NUDT6: variants seen among roughly 807,000 people sequenced by gnomAD.
NUDT6 encodes the protein FAD diphosphatase NUDT6.
Under a neutral mutation model 36.8 loss-of-function variants are expected in NUDT6, and 24 were observed. That is an observed-to-expected ratio of 0.65 (90% CI 0.47 to 0.92). NUDT6 has a LOEUF of 0.92. NUDT6 is among the 40% of genes least tolerant of loss of function. The probability of loss-of-function intolerance (pLI) is 0.00; values close to 1 mark genes in which losing one functional copy is unlikely to be tolerated. For missense variants in NUDT6, 388 were observed against 392.8 expected, an observed-to-expected ratio of 0.99 and a Z score of 0.10; for synonymous variants, 163 against 157.0, an observed-to-expected ratio of 1.04 and a Z score of -0.29.
rs577844006 is a variant in NUDT6, at chr4:122,914,621, T to C, written c.443-1998A>G. ...AGTGATATGAGTGTCTGGCTTCATA[T>C]AGCTCTAACTGGTAGAACTGGGACT... On this transcript the variant is annotated intron_variant, in intron 2 of 4. Coordinates refer to ENST00000304430, the MANE Select transcript of NUDT6 (RefSeq NM_007083.5). Among the ~76,000 whole-genome samples, 5 of 152,318 alleles carry C rather than the reference T, an allele frequency of 3.3e-5. No individual in the cohort carries two copies. The South Asian group carries it at 1.0e-3, about 32-fold the overall frequency.
chr4:122,914,341 G>A (rs973257035), intron 2 of NUDT6, among the ~76,000 whole-genome samples: 2 of 152,038 alleles, frequency 1.3e-5, no homozygotes, highest in Non-Finnish European at 2.9e-5. Flanking sequence ...AATTTAACTG[G>A]ACTTTACAAG....
rs1413333514 is a variant in NUDT6, at chr4:122,893,189, C to A, written c.590G>T (p.Gly197Val). The A allele has an allele frequency of 1.9e-6, 3 of 1,612,028 alleles. No homozygotes were observed. The highest frequency in any genetic ancestry group is 8.5e-7 in the Non-Finnish European group (1 of 1,178,990). ...GACGGACCTGAATTCTGATTTTATACCAGTCTCTTCAAAAACTTCTCGAAC... is the reference window on the plus strand; with the variant it reads ...GACGGACCTGAATTCTGATTTTATAACAGTCTCTTCAAAAACTTCTCGAAC... ...TAVREVFEETGIKSEFRSVLS... is the reference protein window; with the variant it reads ...TAVREVFEETVIKSEFRSVLS... Residue 197 changes from glycine (G) to valine (V), a missense_variant, in exon 5 of 5, where the codon GGT (glycine) becomes GTT (valine). By Grantham distance (109) the Gly-to-Val change is moderately radical. Transcript: ENST00000304430.
At chr4:122,901,933 C>G (rs1333866298) in intron 3 of NUDT6, among the ~76,000 whole-genome samples, 1 of 152,190 alleles carries the variant, frequency 6.6e-6, no homozygotes, top group African/African-American at 2.4e-5. Flanking sequence ...AGAGCAAGGG[C>G]ACAGACCTGC....
chr4:122,920,290 G>A (rs1379392160), intron 1 of NUDT6: 1 of 151,990 alleles, frequency 6.6e-6, no homozygotes, highest in Non-Finnish European at 1.5e-5. Flanking sequence ...GTAGAGCCAG[G>A]GCAAGTAAAT....
At chr4:122,906,402 C>G (rs1727616780) in intron 3 of NUDT6, among the ~76,000 whole-genome samples, 1 of 152,194 alleles carries the variant, frequency 6.6e-6, no homozygotes, top group South Asian at 2.1e-4. Context: ...CCAAACGACT[C>G]AATACTTCTG....
intron 3 of NUDT6, among the ~76,000 whole-genome samples, chr4:122,909,129 G>C (rs1337926798): frequency 6.6e-6 from 1 of 151,166 alleles, no homozygotes; most frequent in East Asian, 1.9e-4. Context: ...GCAGTGGCTT[G>C]ATCATGGCTC....
chr4:122,907,449 CTT>C (rs374300011), intron 3 of NUDT6, among the ~76,000 whole-genome samples: 21,081 of 125,250 alleles, frequency 0.17, 2,029 homozygotes, highest in African/African-American at 0.27. Flanking sequence ...TCTTTACTTT[CTT>C]TTTTTTTTTT....
rs780892352 is a variant in NUDT6 at position 122,922,577 on chromosome 4, A to G, written c.-5T>C. 2.5e-6 allele frequency: 4 copies of G among 1,590,574 alleles called. No individual in the cohort carries two copies. Among genetic ancestry groups the G allele is most frequent in the African/African-American group, 1.3e-5 (1 of 74,588 alleles). On this transcript the variant is annotated 5_prime_UTR_variant, in exon 1 of 5. Transcript: ENST00000304430. Reference sequence around the variant, plus strand: ...CCAGCTCAGTGGCTGCCGCATCTCCACGCCGCTTAATTCGTCCGTTGCCCA... The same window carrying G: ...CCAGCTCAGTGGCTGCCGCATCTCCGCGCCGCTTAATTCGTCCGTTGCCCA...
chr4:122,900,667 C>T (rs896891922), intron 3 of NUDT6, among the ~76,000 whole-genome samples: 9 of 151,962 alleles, frequency 5.9e-5, no homozygotes, highest in Non-Finnish European at 1.3e-4. Context: ...CTCACTAATC[C>T]TTAGTGACTG....
rs1578484273 is a variant in NUDT6, at chr4:122,892,657, T to C, written c.*171A>G. On this transcript the variant is annotated 3_prime_UTR_variant, in exon 5 of 5. Transcript: ENST00000304430. The stretch of plus-strand genomic sequence containing the variant: ...CTAGAGCAATGATCTTTTTCACGCA[T>C]TTGCTTTATTCGAAAAGAGGCTTTT... The C allele has an allele frequency of 7.1e-7, 1 of 1,402,660 alleles. No individual in the cohort carries two copies. The highest frequency in any genetic ancestry group is 2.5e-5 in the East Asian group (1 of 39,710). 86.9% of individuals were successfully genotyped at this position (1,402,660 alleles called of 1,614,324 possible).
chr4:122,904,867 G>A (rs1252750218), intron 3 of NUDT6, among the ~76,000 whole-genome samples: 2 of 152,188 alleles, frequency 1.3e-5, no homozygotes, highest in East Asian at 3.8e-4. Flanking sequence ...CACATAGTGT[G>A]TCTGGAGTTG....
chr4:122,916,494 CATA>C (rs1727847592), intron 2 of NUDT6, among the ~76,000 whole-genome samples: 1 of 152,182 alleles, frequency 6.6e-6, no homozygotes, highest in Non-Finnish European at 1.5e-5. Context: ...TACAAATTTA[CATA>C]ATTAGTGCCA....
intron 3 of NUDT6, among the ~76,000 whole-genome samples, chr4:122,907,380 C>A (rs1049480702): frequency 2.6e-5 from 4 of 151,794 alleles, no homozygotes; most frequent in African/African-American, 9.7e-5. Flanking sequence ...AGTGATCCAC[C>A]TGCCTCAGCC....
At chr4:122,900,323 A>G (rs1302042076) in intron 3 of NUDT6, among the ~76,000 whole-genome samples, 3 of 147,334 alleles carry the variant, frequency 2.0e-5, no homozygotes, top group Non-Finnish European at 4.4e-5. Flanking sequence ...TTTGTATAAG[A>G]ATTATGCACA....
intron 3 of NUDT6, among the ~76,000 whole-genome samples, chr4:122,901,458 G>A (rs1291912314): frequency 6.6e-6 from 1 of 152,130 alleles, no homozygotes; most frequent in Non-Finnish European, 1.5e-5. Flanking sequence ...CTTTGTGTGT[G>A]TGTAGCAGTA....
In NUDT6 at chr4:122,922,466, A is replaced by T; in HGVS notation, c.107T>A (p.Val36Glu). The T allele has an allele frequency of 6.2e-7, 1 of 1,611,830 alleles. No homozygotes were observed. Reference protein sequence around the residue: ...YRWASGAQGYVRNPPVGACDL... With the variant: ...YRWASGAQGYERNPPVGACDL... ...GCACGCTCCAACTGGCGGATTCCGCACGTAACCCTGTGCGCCCGAGGCCCA... is the reference window on the plus strand; with the variant it reads ...GCACGCTCCAACTGGCGGATTCCGCTCGTAACCCTGTGCGCCCGAGGCCCA... The change falls in exon 1 of 5, where the codon GTG becomes GAG. Residue 36 changes from valine to glutamate, a missense_variant. Physicochemically the swap from Val to Glu is moderately radical, Grantham distance 121. Coordinates refer to ENST00000304430, the MANE Select transcript of NUDT6 (RefSeq NM_007083.5).
chr4:122,900,676 T>C (rs1727503894), intron 3 of NUDT6, among the ~76,000 whole-genome samples: 1 of 152,040 alleles, frequency 6.6e-6, no homozygotes, highest in Non-Finnish European at 1.5e-5. Context: ...CCTTAGTGAC[T>C]GTCCACTGCT....
intron 3 of NUDT6, among the ~76,000 whole-genome samples, chr4:122,898,656 G>A (rs1466145359): frequency 3.3e-5 from 5 of 152,154 alleles, no homozygotes. Flanking sequence ...ATAGACTGTT[G>A]ATTATGTGGG....
chr4:122,907,612 G>A (rs1727646170), intron 3 of NUDT6, among the ~76,000 whole-genome samples: 1 of 151,488 alleles, frequency 6.6e-6, no homozygotes, highest in Non-Finnish European at 1.5e-5. Flanking sequence ...CACCACGCCC[G>A]GCTAATTTTT....
Sources: gnomAD v4.1 joint callset for allele counts (sites outside exome capture counted in the v4.1 genomes callset) on GRCh38, gnomAD v4.1.1 for gene constraint, MANE v1.5 for transcripts, NCBI Gene and HGNC (gene_info 2026-07-23, HGNC 2026-07-21) for gene names.